The following ZMAT4 variants were observed in gnomAD, a reference collection of about 807,000 sequenced individuals.
ZMAT4 encodes the protein zinc finger matrin-type 4.
A neutral mutation model predicts 28.7 loss-of-function variants in ZMAT4; 17 were observed. That is an observed-to-expected ratio of 0.59 (90% CI 0.41 to 0.89). ZMAT4 has a LOEUF of 0.89. Among genes scored for constraint, ZMAT4 ranks in the 40% least tolerant of loss-of-function variants. ZMAT4 has a pLI of 0.00. For missense variants in ZMAT4, 240 were observed against 283.8 expected (o/e 0.85, Z 1.11); for synonymous variants, 117 against 109.2 (o/e 1.07, Z -0.44).
At chr8:40,788,163 TA>T (rs1814162556) in intron 2 of ZMAT4, among the ~76,000 whole-genome samples, 1 of 151,978 alleles carries the variant, frequency 6.6e-6, no homozygotes, top group South Asian at 2.1e-4. Context: ...GAATGAGAGA[TA>T]AAAAAACATG....
At chr8:40,808,398 A>G in intron 2 of ZMAT4, 1 of 317,700 alleles carries the variant, frequency 3.1e-6, no homozygotes, top group Non-Finnish European at 6.2e-6. Context: ...GAAAAAAAAA[A>G]GACAGCATAT....
intron 2 of ZMAT4, among the ~76,000 whole-genome samples, chr8:40,822,492 A>G (rs1815866453): frequency 6.6e-6 from 1 of 152,228 alleles, no homozygotes; most frequent in Non-Finnish European, 1.5e-5. Context: ...GACCCACTCC[A>G]TAAGTCACTG....
Position 40,825,601 on chromosome 8 carries a change from C to G in ZMAT4, c.76G>C (p.Glu26Gln). Residue 26 changes from glutamate (E) to glutamine (Q), a missense_variant, in exon 2 of 7, where the codon GAA (glutamate) becomes CAA (glutamine). Glu to Gln is a conservative substitution (Grantham distance 29, BLOSUM62 2). Transcript: ENST00000297737. Reference protein sequence around the residue: ...CKVCSAQLISESQRVAHYESR... With the variant: ...CKVCSAQLISQSQRVAHYESR... ...TCGTAGTGGGCCACACGCTGCGATT[C>G]GGAGATCAGCTGTGCACTGCACACC... 1 of 1,553,618 alleles carries G rather than the reference C, an allele frequency of 6.4e-7. No individual in the cohort carries two copies. Among genetic ancestry groups the G allele is most frequent in the Non-Finnish European group, 8.7e-7 (1 of 1,147,744 alleles).
At chr8:40,820,561 TGA>T (rs1472795953) in intron 2 of ZMAT4, among the ~76,000 whole-genome samples, 2 of 150,290 alleles carry the variant, frequency 1.3e-5, no homozygotes, top group African/African-American at 4.9e-5. Flanking sequence ...TGTATGTGTG[TGA>T]GTGTGTTTTG....
chr8:40,866,328 G>T (rs138660462), intron 1 of ZMAT4, among the ~76,000 whole-genome samples: 1 of 152,182 alleles, frequency 6.6e-6, no homozygotes, highest in Non-Finnish European at 1.5e-5. Context: ...GCACTGGGAC[G>T]CCCCAAATGC....
chr8:40,802,036 G>A (rs1814872197), intron 2 of ZMAT4, among the ~76,000 whole-genome samples: 1 of 152,162 alleles, frequency 6.6e-6, no homozygotes, highest in African/African-American at 2.4e-5. Flanking sequence ...ACCCATTCAT[G>A]TTATGAACTT....
intron 2 of ZMAT4, among the ~76,000 whole-genome samples, chr8:40,773,308 G>A (rs961808988): frequency 6.6e-6 from 1 of 152,148 alleles, no homozygotes; most frequent in Non-Finnish European, 1.5e-5. Flanking sequence ...GGAAGACCCC[G>A]AGGTGCCAGG....
intron 5 of ZMAT4, among the ~76,000 whole-genome samples, chr8:40,663,447 C>G (rs1808283782): frequency 6.6e-6 from 1 of 152,150 alleles, no homozygotes. Flanking sequence ...GAGTCACATT[C>G]CCTTATAAAT....
chr8:40,648,766 T>A (rs1433705150), intron 5 of ZMAT4, among the ~76,000 whole-genome samples: 1 of 89,844 alleles, frequency 1.1e-5, no homozygotes, highest in Non-Finnish European at 2.5e-5. Context: ...TGGGGGCCAA[T>A]ATTCAACATT....
intron 2 of ZMAT4, chr8:40,786,905 T>A (rs924749849): frequency 2.7e-6 from 1 of 373,188 alleles, no homozygotes. Context: ...GTTAACAAGA[T>A]TAAAACAGAA....
chr8:40,880,675 G>A (rs1818189966), intron 1 of ZMAT4, among the ~76,000 whole-genome samples: 1 of 152,138 alleles, frequency 6.6e-6, no homozygotes, highest in Admixed American at 6.5e-5. Context: ...CAAGTAACTT[G>A]CAGAAGGCCA....
intron 2 of ZMAT4, among the ~76,000 whole-genome samples, chr8:40,798,930 C>T (rs1814706988): frequency 6.6e-6 from 1 of 152,190 alleles, no homozygotes; most frequent in South Asian, 2.1e-4. Flanking sequence ...GGCCAGTCCC[C>T]TCAATTGGGA....
chr8:40,532,092 A>G lies in ZMAT4; in HGVS notation c.*131T>C, dbSNP rs1368862286. On this transcript the variant is annotated 3_prime_UTR_variant, in exon 7 of 7. Transcript: ENST00000297737. ...ATTTCCAAAAATCAAGATCAGTCGT[A>G]TGTGAATCTGTGAATCCTTATAAGA... 3.8e-6 allele frequency: 3 copies of G among 786,206 alleles called. No homozygotes were observed. Among genetic ancestry groups the G allele is most frequent in the Non-Finnish European group, 5.5e-6 (3 of 547,956 alleles). 48.7% of individuals were successfully genotyped at this position (786,206 alleles called of 1,614,324 possible). A position where few individuals can be genotyped will look rare whatever the true frequency, so the allele number is the denominator to read the frequency against.
At chr8:40,664,532 A>G (rs1384033436) in intron 5 of ZMAT4, among the ~76,000 whole-genome samples, 2 of 152,080 alleles carry the variant, frequency 1.3e-5, no homozygotes, top group Non-Finnish European at 2.9e-5. Context: ...GCAACCACTA[A>G]CCTATTACCC....
intron 1 of ZMAT4, among the ~76,000 whole-genome samples, chr8:40,869,525 A>G (rs1312316030): frequency 1.3e-5 from 2 of 152,224 alleles, no homozygotes; most frequent in African/African-American, 4.8e-5. Flanking sequence ...TATCTAGAAA[A>G]GAAGAATAAG....
chr8:40,649,729 C>A (rs1476294797), intron 5 of ZMAT4, among the ~76,000 whole-genome samples: 2 of 151,814 alleles, frequency 1.3e-5, no homozygotes, highest in South Asian at 2.1e-4. Context: ...AACTATCTCT[C>A]AGACCACAGT....
chr8:40,769,786 G>A (rs1302681238), intron 2 of ZMAT4, among the ~76,000 whole-genome samples: 1 of 145,120 alleles, frequency 6.9e-6, no homozygotes, highest in Non-Finnish European at 1.5e-5. Flanking sequence ...GTTTGTGGCT[G>A]TTTTTTTTTT....
At chr8:40,874,053 C>T (rs184294227) in intron 1 of ZMAT4, among the ~76,000 whole-genome samples, 2 of 152,282 alleles carry the variant, frequency 1.3e-5, no homozygotes, top group East Asian at 1.9e-4. Flanking sequence ...AGGTCCTTTC[C>T]GCCAGGAACA....
At chr8:40,765,026 G>C (rs1813093812) in intron 3 of ZMAT4, among the ~76,000 whole-genome samples, 1 of 151,848 alleles carries the variant, frequency 6.6e-6, no homozygotes, top group African/African-American at 2.4e-5. Context: ...TAGACACAGG[G>C]TCTCACTATC....
Sources: gnomAD v4.1 joint callset for allele counts (sites outside exome capture counted in the v4.1 genomes callset) on GRCh38, gnomAD v4.1.1 for gene constraint, MANE v1.5 for transcripts, NCBI Gene and HGNC (gene_info 2026-07-23, HGNC 2026-07-21) for gene names.